Variants in EPG5 observed in about 807,000 individuals in gnomAD.
EPG5 encodes ectopic P-granules 5 autophagy tethering factor, also known as ectopic P granules protein 5 homolog.
EPG5 carries 159 observed loss-of-function variants against 302.7 expected under a neutral mutation model. The ratio of observed to expected loss-of-function variants is 0.53; its 90% confidence interval spans 0.46 to 0.60. The LOEUF is 0.60. Among genes scored for constraint, EPG5 ranks in the 20% least tolerant of loss-of-function variants. The probability of loss-of-function intolerance (pLI) is 0.00; values close to 1 mark genes in which losing one functional copy is unlikely to be tolerated. For missense variants in EPG5, 2,896 were observed against 3,092.4 expected (o/e 0.94, Z 1.51); for synonymous variants, 1,158 against 1,136.8 (o/e 1.02, Z -0.37).
intron 28 of EPG5, among the ~76,000 whole-genome samples, chr18:45,888,476 T>G (rs1049383225): frequency 1.3e-5 from 2 of 152,044 alleles, no homozygotes; most frequent in Non-Finnish European, 2.9e-5. Context: ...GCTAATTTTT[T>G]TGTATTTTTG....
chr18:45,842,458 AGAGT>A, the EPG5 span: 1 of 464,260 alleles, frequency 2.2e-6, no homozygotes, highest in Non-Finnish European at 3.9e-6. Flanking sequence ...AGAGAGAGAG[AGAGT>A]ACACGCATTA....
chr18:45,939,647 A>G lies in EPG5; in HGVS notation c.2052T>C (p.Phe684=), dbSNP rs1431174470. 1.4e-5 allele frequency: 22 copies of G among 1,614,162 alleles called. No individual in the cohort carries two copies. The highest frequency in any genetic ancestry group is 1.7e-4 in the Middle Eastern group (1 of 6,046). ...GGACAGCCCTCAAAAACAGTTCATCAAATTCAACCTGTAGTTTCTCCATAG... is the reference window on the plus strand; with the variant it reads ...GGACAGCCCTCAAAAACAGTTCATCGAATTCAACCTGTAGTTTCTCCATAG... ...PYSMEKLQVE[F]DELFLRAVLH... Residue 684 remains phenylalanine, a synonymous_variant, in exon 10 of 44, where the codon TTT becomes TTC. Coordinates refer to ENST00000282041, the MANE Select transcript of EPG5 (RefSeq NM_020964.3).
At chr18:45,951,059 A>G (rs779367015) in intron 4 of EPG5, 43 bp downstream of exon 4, 1 of 1,413,850 alleles carries the variant, frequency 7.1e-7, no homozygotes, top group Non-Finnish European at 9.3e-7. Flanking sequence ...AAATTATGAA[A>G]GAAATAAAAC....
At chr18:45,905,743 A>G (rs994869040) in intron 24 of EPG5, among the ~76,000 whole-genome samples, 4 of 152,346 alleles carry the variant, frequency 2.6e-5, no homozygotes, top group African/African-American at 9.6e-5. Flanking sequence ...AGAAAAAGAG[A>G]GAGAAAGCAA....
chr18:45,943,725 T>A (rs1263294877), intron 8 of EPG5, among the ~76,000 whole-genome samples: 2 of 151,904 alleles, frequency 1.3e-5, no homozygotes, highest in African/African-American at 4.8e-5. Context: ...ATGGAGACCA[T>A]CCTGGCTAAC....
At chr18:45,825,180 G>A in the EPG5 span, among the ~76,000 whole-genome samples, 1 of 127,056 alleles carries the variant, frequency 7.9e-6, no homozygotes, top group East Asian at 3.1e-4. Flanking sequence ...GGGAGGAAGA[G>A]AGGGAGGGAG....
chr18:45,838,538 A>G, the EPG5 span: 1 of 797,116 alleles, frequency 1.3e-6, no homozygotes, highest in Non-Finnish European at 1.9e-6. Flanking sequence ...CACATGGAGA[A>G]GCAGAAGCAG....
At chr18:45,841,957 C>G in the EPG5 span, 1 of 731,478 alleles carries the variant, frequency 1.4e-6, no homozygotes, top group Non-Finnish European at 2.4e-6. Context: ...TGCCCAGCCT[C>G]CGATGCCATT....
intron 27 of EPG5, among the ~76,000 whole-genome samples, chr18:45,892,166 C>A (rs1176621243): frequency 6.6e-6 from 1 of 152,168 alleles, no homozygotes; most frequent in African/African-American, 2.4e-5. Context: ...GTAGAAACTA[C>A]TAAAATAAAA....
Position 45,854,190 on chromosome 18 carries a change from T to G in EPG5, c.7557+1383A>C, listed in dbSNP as rs76556193. Among the ~76,000 whole-genome samples the G allele has an allele frequency of 1.1e-4, 17 of 152,330 alleles. No homozygotes were observed. The East Asian group carries it at 3.3e-3, about 29-fold the overall frequency. On this transcript the variant is annotated intron_variant, in intron 43 of 43. Transcript: ENST00000282041. ...TTCATCTGCCCACTGGGATGTTTCA[T>G]GTAAGACAATAGGGGATTCAAACAG...
At chr18:45,935,205 T>C (rs1177730678) in intron 10 of EPG5, among the ~76,000 whole-genome samples, 2 of 152,210 alleles carry the variant, frequency 1.3e-5, no homozygotes, top group East Asian at 3.8e-4. Context: ...TATACATGTA[T>C]GTACAATATC....
rs767140553 is a variant in EPG5, at chr18:45,915,672, T to C, written c.3583-51A>G. 6 of 1,357,802 alleles carry C rather than the reference T, an allele frequency of 4.4e-6. No homozygotes were observed. In the South Asian group the frequency reaches 7.1e-5, roughly 16 times the overall value. 84.1% of individuals were successfully genotyped at this position (1,357,802 alleles called of 1,614,324 possible). A position where few individuals can be genotyped will look rare whatever the true frequency, so the allele number is the denominator to read the frequency against. On this transcript the variant is annotated intron_variant, in intron 19 of 43. Transcript: ENST00000282041. ...AGAGGAGGTTTTAAGGAAAATCTTA[T>C]CAATGACCTTTACAAGAGTATCAGC...
intron 6 of EPG5, 80 bp from the exon 7 acceptor site, chr18:45,946,848 G>A: frequency 1.8e-6 from 2 of 1,084,946 alleles, no homozygotes; most frequent in South Asian, 2.6e-5. Flanking sequence ...TCACCCTGAA[G>A]AAGAGCCACA....
At chr18:45,914,433 A>G (rs2049982201) in intron 20 of EPG5, among the ~76,000 whole-genome samples, 1 of 152,260 alleles carries the variant, frequency 6.6e-6, no homozygotes, top group Admixed American at 6.5e-5. Context: ...GAAGAACATT[A>G]CTACTGATTT....
the EPG5 span, chr18:45,838,959 CG>C: frequency 1.9e-6 from 3 of 1,604,424 alleles, no homozygotes; most frequent in African/African-American, 4.0e-5. Context: ...TGGGCCGCTC[CG>C]AGGCCAGCGT....
the EPG5 span, chr18:45,837,210 G>A: frequency 1.4e-6 from 2 of 1,452,282 alleles, no homozygotes; most frequent in African/African-American, 2.9e-5. Context: ...AGAATATGGG[G>A]TCAAGGGGCC....
the EPG5 span, among the ~76,000 whole-genome samples, chr18:45,836,467 C>T: frequency 1.3e-5 from 2 of 152,104 alleles, no homozygotes; most frequent in Non-Finnish European, 2.9e-5. Flanking sequence ...CACCCCTGGC[C>T]TTATCCTCTG....
Position 45,954,665 on chromosome 18 carries a change from A to G in EPG5, c.737T>C (p.Leu246Pro). The G allele has an allele frequency of 6.2e-7, 1 of 1,614,218 alleles. No homozygotes were observed. The highest frequency in any genetic ancestry group is 8.5e-7 in the Non-Finnish European group (1 of 1,180,046). Reference protein sequence around the residue: ...LLRSERLYPELPSQLELVPFT... With the variant: ...LLRSERLYPEPPSQLELVPFT... ...TGGTACTAGTTCCAGTTGAGACGGG[A>G]GTTCTGGGTAGAGTCGCTCACTGCG... The change falls in exon 2 of 44, where the codon CTC (leucine) becomes CCC (proline). Residue 246 changes from leucine to proline, a missense_variant. By Grantham distance (98) the Leu-to-Pro change is moderately conservative. This residue lies in a region of EPG5 where 1,390 missense variants were observed against 1,430.0 expected (regional missense o/e 0.97). Coordinates refer to ENST00000282041, the MANE Select transcript of EPG5 (RefSeq NM_020964.3).
intron 1 of EPG5, among the ~76,000 whole-genome samples, chr18:45,961,605 A>G (rs2051150830): frequency 6.6e-6 from 1 of 152,206 alleles, no homozygotes; most frequent in Admixed American, 6.5e-5. Context: ...TCAAGCCTGT[A>G]ATCCCAGCAC....
Sources: gnomAD v4.1 joint callset for allele counts (sites outside exome capture counted in the v4.1 genomes callset) on GRCh38, gnomAD v4.1.1 for gene constraint, gnomAD v4.1.1 regional missense constraint, MANE v1.5 for transcripts, NCBI Gene and HGNC (gene_info 2026-07-23, HGNC 2026-07-21) for gene names.